Variants in COP1 observed in about 807,000 individuals in gnomAD.
The protein encoded by COP1 is COP1 E3 ubiquitin ligase.
COP1 carries 24 observed loss-of-function variants against 101.3 expected under a neutral mutation model. That is an observed-to-expected ratio of 0.24 (90% CI 0.17 to 0.33). The LOEUF is 0.33. Ranked by LOEUF, COP1 falls within the 10% of genes least tolerant of loss-of-function variation. COP1 has a pLI of 1.00. For synonymous variants in COP1, 347 were observed against 341.9 expected (o/e 1.01, Z -0.17); for missense variants, 663 against 906.2 (o/e 0.73, Z 3.45).
intron 15 of COP1, among the ~76,000 whole-genome samples, chr1:176,008,561 G>A (rs935773724): frequency 6.6e-6 from 1 of 151,692 alleles, no homozygotes; most frequent in South Asian, 2.1e-4. Context: ...GAATATATTT[G>A]TAATAACTAA....
At position 176,072,940 on chromosome 1, in the gene COP1, T is replaced by C. The variant is rs1000271075; in HGVS notation, c.1277+8212A>G. On this transcript the variant is annotated intron_variant, in intron 11 of 19. Coordinates refer to ENST00000367669, the MANE Select transcript of COP1 (RefSeq NM_022457.7). Reference sequence around the variant, plus strand: ...ACCTCAAAAGAATTAATTCCTCTTTTTCTTCTGGGTGTCTCAAAGGAAAAG... The same window carrying C: ...ACCTCAAAAGAATTAATTCCTCTTTCTCTTCTGGGTGTCTCAAAGGAAAAG... 1.4e-4 allele frequency among the ~76,000 whole-genome samples: 21 copies of C among 152,306 alleles called. 2 individuals are homozygous for C. Among genetic ancestry groups the C allele is most frequent in the Admixed American group, 1.2e-3 (18 of 15,296 alleles).
At chr1:176,092,382 A>G (rs1171074800) in intron 9 of COP1, among the ~76,000 whole-genome samples, 1 of 152,206 alleles carries the variant, frequency 6.6e-6, no homozygotes, top group Non-Finnish European at 1.5e-5. Context: ...TAAAAATTAT[A>G]AATTGCATGA....
At chr1:175,948,608 C>T (rs1649472166) in intron 18 of COP1, among the ~76,000 whole-genome samples, 1 of 152,208 alleles carries the variant, frequency 6.6e-6, no homozygotes, top group African/African-American at 2.4e-5. Context: ...CAAACTCATA[C>T]ATTTCCATTT....
At chr1:176,011,849 C>T (rs548521062) in intron 15 of COP1, among the ~76,000 whole-genome samples, 16 of 152,268 alleles carry the variant, frequency 1.1e-4, no homozygotes, top group African/African-American at 3.9e-4. Context: ...AGTTTTTGGT[C>T]ATTCTGGTGT....
intron 15 of COP1, among the ~76,000 whole-genome samples, chr1:176,010,442 T>C (rs1323435593): frequency 6.6e-6 from 1 of 152,266 alleles, no homozygotes; most frequent in Non-Finnish European, 1.5e-5. Context: ...GTCTCTGGCC[T>C]ATTATATAAA....
chr1:176,198,336 T>C (rs913505928), intron 1 of COP1, among the ~76,000 whole-genome samples: 3 of 152,154 alleles, frequency 2.0e-5, no homozygotes, highest in South Asian at 2.1e-4. Context: ...TAAACTCATA[T>C]ATATGGTTAA....
intron 1 of COP1, among the ~76,000 whole-genome samples, chr1:176,196,098 T>C (rs927713787): frequency 5.3e-5 from 8 of 152,090 alleles, no homozygotes; most frequent in Non-Finnish European, 1.2e-4. Context: ...TGATTGAAAA[T>C]TTGAAGATAC....
intron 9 of COP1, among the ~76,000 whole-genome samples, chr1:176,095,317 A>G (rs1036327366): frequency 1.3e-5 from 2 of 152,240 alleles, no homozygotes; most frequent in African/African-American, 2.4e-5. Flanking sequence ...AATGTGGCTG[A>G]GGACCACTGG....
intron 9 of COP1, among the ~76,000 whole-genome samples, chr1:176,108,087 T>G (rs1158900577): frequency 6.6e-6 from 1 of 152,054 alleles, no homozygotes; most frequent in Non-Finnish European, 1.5e-5. Context: ...AAATTTAATT[T>G]GTAAAAAATT....
In COP1 at chr1:176,087,743, C is replaced by A. The variant is rs141988457; in HGVS notation, c.1027-1853G>T. ...CTAGAAATACCATTTGACTCAGCCA[C>A]CCCATTACGGGTTATATACCCAAAG... On this transcript the variant is annotated intron_variant, in intron 9 of 19. Transcript: ENST00000367669. 2.6e-3 allele frequency among the ~76,000 whole-genome samples: 396 copies of A among 152,254 alleles called. 3 individuals carry two copies. Among genetic ancestry groups the A allele is most frequent in the African/African-American group, 9.1e-3 (378 of 41,536 alleles).
chr1:175,985,550 A>G (rs747985015), intron 18 of COP1, among the ~76,000 whole-genome samples: 28 of 152,258 alleles, frequency 1.8e-4, no homozygotes, highest in Non-Finnish European at 3.4e-4. Flanking sequence ...CACCCATACA[A>G]CGTCAGGCAC....
Position 175,978,912 on chromosome 1 carries a change from A to G in COP1, c.2133+8031T>C, listed in dbSNP as rs974332795. On this transcript the variant is annotated intron_variant, in intron 18 of 19. Transcript: ENST00000367669. Reference sequence around the variant, plus strand: ...ATATTTTTAGGAGTAGCATTTTTTAATTAACACAAATAAAAAAGACCGTAT... The same window carrying G: ...ATATTTTTAGGAGTAGCATTTTTTAGTTAACACAAATAAAAAAGACCGTAT... Among the ~76,000 whole-genome samples, 32 of 152,186 alleles carry G rather than the reference A, an allele frequency of 2.1e-4. 1 individual carries two copies. The highest frequency in any genetic ancestry group is 8.8e-5 in the Non-Finnish European group (6 of 68,020).
At position 176,176,387 on chromosome 1, in the gene COP1, T is replaced by C. The variant is rs1308212110; in HGVS notation, c.468-380A>G. Among the ~76,000 whole-genome samples, 3 of 152,054 alleles carry C rather than the reference T, an allele frequency of 2.0e-5. 1 individual carries two copies. Among genetic ancestry groups the C allele is most frequent in the African/African-American group, 4.8e-5 (2 of 41,376 alleles). On this transcript the variant is annotated intron_variant, in intron 2 of 19. Coordinates refer to ENST00000367669, the MANE Select transcript of COP1 (RefSeq NM_022457.7). ...GCGAATACCCTTAATACTCAGTTCA[T>C]TGAAATAAAAAAGAGAAACAGAAAA...
chr1:176,008,148 A>G (rs1663858614), intron 15 of COP1, among the ~76,000 whole-genome samples: 2 of 152,044 alleles, frequency 1.3e-5, no homozygotes, highest in East Asian at 3.9e-4. Flanking sequence ...CGGAAAGGGA[A>G]CTCCCTGACC....
intron 9 of COP1, among the ~76,000 whole-genome samples, chr1:176,116,364 AC>A (rs1170632370): frequency 6.6e-6 from 1 of 152,206 alleles, no homozygotes; most frequent in African/African-American, 2.4e-5. Flanking sequence ...AAAAACAAAA[AC>A]AAAAACAAAG....
intron 11 of COP1, among the ~76,000 whole-genome samples, chr1:176,080,661 CTGA>C (rs1255419547): frequency 9.9e-5 from 15 of 152,114 alleles, no homozygotes; most frequent in Non-Finnish European, 1.9e-4. Flanking sequence ...TTCAACAGCC[CTGA>C]TGAGACGGAC....
intron 2 of COP1, among the ~76,000 whole-genome samples, chr1:176,176,684 T>C (rs10913147): frequency 0.39 from 59,146 of 151,802 alleles, 11,804 homozygotes; most frequent in Admixed American, 0.44. Context: ...CCAGGCATGA[T>C]AGCATATGCA....
chr1:176,186,552 G>GA (rs1243746567), intron 1 of COP1, among the ~76,000 whole-genome samples: 1 of 151,470 alleles, frequency 6.6e-6, no homozygotes, highest in Non-Finnish European at 1.5e-5. Context: ...AAAGAAAAGA[G>GA]AAAAAAAAGG....
chr1:176,106,059 C>A (rs1684252293), intron 9 of COP1, among the ~76,000 whole-genome samples: 8 of 152,122 alleles, frequency 5.3e-5, no homozygotes, highest in Admixed American at 5.2e-4. Context: ...GAGACAGAGT[C>A]TCGCTCTGCT....
Sources: gnomAD v4.1 joint callset for allele counts (sites outside exome capture counted in the v4.1 genomes callset) on GRCh38, gnomAD v4.1.1 for gene constraint, MANE v1.5 for transcripts, NCBI Gene and HGNC (gene_info 2026-07-23, HGNC 2026-07-21) for gene names.